Variants in C1orf198 observed in about 807,000 individuals in gnomAD.
C1orf198 encodes chromosome 1 open reading frame 198.
A neutral mutation model predicts 31.4 loss-of-function variants in C1orf198; 17 were observed. The observed-to-expected ratio is 0.54, with a 90% CI of 0.37 to 0.81. C1orf198 has a LOEUF of 0.81. C1orf198 is among the 40% of genes least tolerant of loss of function. The pLI is 0.00. For synonymous variants in C1orf198, 175 were observed against 193.8 expected (o/e 0.90, Z 0.81); for missense variants, 401 against 450.3 (o/e 0.89, Z 0.99).
chr1:230,851,454 C>T (rs766903956), intron 2 of C1orf198, among the ~76,000 whole-genome samples: 13 of 152,182 alleles, frequency 8.5e-5, no homozygotes, highest in South Asian at 2.1e-4. Context: ...CAGCCCAGAC[C>T]GCCTGGGGAA....
At chr1:230,859,360 C>G (rs1009913635) in intron 1 of C1orf198, among the ~76,000 whole-genome samples, 2 of 152,132 alleles carry the variant, frequency 1.3e-5, no homozygotes, top group African/African-American at 2.4e-5. Flanking sequence ...TTTCCCACCC[C>G]CCTCTCTGGC....
upstream of C1orf198, chr1:230,868,623 C>A: frequency 9.1e-6 from 8 of 880,578 alleles, no homozygotes; most frequent in Non-Finnish European, 9.8e-6. Flanking sequence ...CGCCCTGCAC[C>A]GCCGCGTACC....
intron 2 of C1orf198, among the ~76,000 whole-genome samples, chr1:230,852,967 C>T (rs1669783375): frequency 6.6e-6 from 1 of 152,192 alleles, no homozygotes; most frequent in South Asian, 2.1e-4. Flanking sequence ...TCCTCGTAGG[C>T]TTCCGTTCCC....
At chr1:230,864,542 T>C (rs1207603995) in intron 1 of C1orf198, among the ~76,000 whole-genome samples, 13 of 152,134 alleles carry the variant, frequency 8.5e-5, no homozygotes, top group Admixed American at 8.5e-4. Context: ...TGCCAAGCTG[T>C]TGAAGAGGGG....
chr1:230,847,423 G>A (rs1462661888), intron 2 of C1orf198, among the ~76,000 whole-genome samples: 1 of 152,164 alleles, frequency 6.6e-6, no homozygotes, highest in East Asian at 1.9e-4. Context: ...TGAGAAAATG[G>A]AGAATCGGAG....
chr1:230,852,867 T>C (rs1245712081), intron 2 of C1orf198, among the ~76,000 whole-genome samples: 1 of 152,190 alleles, frequency 6.6e-6, no homozygotes, highest in African/African-American at 2.4e-5. Context: ...TCCTCAAACA[T>C]TGAATCTGGC....
intron 2 of C1orf198, among the ~76,000 whole-genome samples, chr1:230,846,031 T>C (rs1350967145): frequency 2.0e-5 from 3 of 152,250 alleles, no homozygotes; most frequent in Non-Finnish European, 2.9e-5. Context: ...ACCGTTTTCT[T>C]ATTAACAGAC....
intron 1 of C1orf198, among the ~76,000 whole-genome samples, chr1:230,864,318 T>C (rs1670065195): frequency 6.6e-6 from 1 of 152,014 alleles, no homozygotes; most frequent in Non-Finnish European, 1.5e-5. Context: ...ACAGAGCGGG[T>C]GTAGCAGCTC....
rs111920878 is a variant in C1orf198 at position 230,863,213 on chromosome 1, T to C, written c.333+4967A>G. Among the ~76,000 whole-genome samples, 453 of 152,246 alleles carry C rather than the reference T, an allele frequency of 3.0e-3. 2 individuals carry two copies. The highest frequency in any genetic ancestry group is 0.01 in the African/African-American group (436 of 41,538). On this transcript the variant is annotated intron_variant, in intron 1 of 3. Transcript: ENST00000366663. ...CAGAAAAACAGTCCTGATTTAACCATGGGGCATGTTTTCCACCATGAATAC... is the reference window on the plus strand; with the variant it reads ...CAGAAAAACAGTCCTGATTTAACCACGGGGCATGTTTTCCACCATGAATAC...
intron 1 of C1orf198, among the ~76,000 whole-genome samples, chr1:230,866,197 G>A (rs148902059): frequency 1.6e-3 from 250 of 152,330 alleles, no homozygotes; most frequent in Middle Eastern, 6.8e-3. Flanking sequence ...TACCTCTGGC[G>A]CAGTCCAGGG....
intron 2 of C1orf198, among the ~76,000 whole-genome samples, chr1:230,845,925 T>G (rs944157116): frequency 2.0e-5 from 3 of 152,234 alleles, no homozygotes; most frequent in Non-Finnish European, 2.9e-5. Context: ...CTTTTTCACT[T>G]AATCATAAGC....
At position 230,837,215 on chromosome 1, in the gene C1orf198, T is replaced by C. The variant is rs1432501523; in HGVS notation, c.*2637A>G. ...AATTTATTACTTTTGAAAATGTTAATTAAAGAAAGGGAGACGCAAAGAAAG... is the reference window on the plus strand; with the variant it reads ...AATTTATTACTTTTGAAAATGTTAACTAAAGAAAGGGAGACGCAAAGAAAG... On this transcript the variant is annotated 3_prime_UTR_variant, in exon 4 of 4. Transcript: ENST00000366663. 6.6e-6 allele frequency: 1 copy of C among 152,648 alleles called. No individual in the cohort carries two copies. Among genetic ancestry groups the C allele is most frequent in the Admixed American group, 6.5e-5 (1 of 15,280 alleles). 9.5% of individuals were successfully genotyped at this position (152,648 alleles called of 1,614,324 possible).
intron 2 of C1orf198, among the ~76,000 whole-genome samples, chr1:230,848,904 A>G (rs1669660398): frequency 6.6e-6 from 1 of 152,146 alleles, no homozygotes; most frequent in African/African-American, 2.4e-5. Context: ...GGCCCAGGGG[A>G]GATCAAGCCC....
rs185614261 is a variant in C1orf198, at chr1:230,868,475, G to A, written c.38C>T (p.Ser13Leu). 968 of 1,513,548 alleles carry A rather than the reference G, an allele frequency of 6.4e-4. 8 individuals carry two copies. Among genetic ancestry groups the A allele is most frequent in the Non-Finnish European group, 3.8e-5 (43 of 1,124,320 alleles). 93.8% of individuals were successfully genotyped at this position (1,513,548 alleles called of 1,614,324 possible). A position where few individuals can be genotyped will look rare whatever the true frequency, so the allele number is the denominator to read the frequency against. The part of the protein sequence containing the change: ...SMAAAIAASR[S>L]AVMSGNRPLD... Reference sequence around the variant, plus strand: ...AGGCCGGTTCCCGCTCATGACCGCCGAGCGCGAAGCCGCGATCGCCGCCGC... The same window carrying A: ...AGGCCGGTTCCCGCTCATGACCGCCAAGCGCGAAGCCGCGATCGCCGCCGC... Residue 13 changes from serine to leucine, a missense_variant, in exon 1 of 4, where the codon TCG becomes TTG. By Grantham distance (145) the Ser-to-Leu change is moderately radical. Transcript: ENST00000366663.
In C1orf198 at chr1:230,843,452, C is replaced by A; in HGVS notation, c.829G>T (p.Glu277Ter). The A allele has an allele frequency of 6.2e-7, 1 of 1,604,792 alleles. No homozygotes were observed. The highest frequency in any genetic ancestry group is 8.5e-7 in the Non-Finnish European group (1 of 1,175,708). ...CCCTCGAGCTGGGAGGGGGCAGCCT[C>A]GTGCAGTGCACTGCTGAAGGCCTGG... ...PVQAFSSALHEAAPSQLEGKL... is the reference protein window; with the variant it reads ...PVQAFSSALH Residue 277 changes from glutamate (E) to a stop codon, truncating the protein, a stop_gained, in exon 3 of 4, where the codon GAG becomes TAG. Coordinates refer to ENST00000366663, the MANE Select transcript of C1orf198 (RefSeq NM_032800.3). LOFTEE classifies it high-confidence loss of function. The surrounding 1 kb of genome is among the most constrained non-coding windows in gnomAD (Gnocchi z 4.9).
At chr1:230,851,029 G>T (rs1175868428) in intron 2 of C1orf198, among the ~76,000 whole-genome samples, 1 of 151,932 alleles carries the variant, frequency 6.6e-6, no homozygotes, top group East Asian at 1.9e-4. Context: ...TCCCAAGGGT[G>T]AAAGAATTCA....
intron 1 of C1orf198, among the ~76,000 whole-genome samples, chr1:230,863,323 G>A (rs1670040505): frequency 1.3e-5 from 2 of 152,196 alleles, no homozygotes; most frequent in Non-Finnish European, 2.9e-5. Flanking sequence ...TACAGAGTAG[G>A]TGGAGGAAAT....
chr1:230,852,398 G>A (rs1479271091), intron 2 of C1orf198, among the ~76,000 whole-genome samples: 2 of 152,184 alleles, frequency 1.3e-5, no homozygotes, highest in East Asian at 1.9e-4. Context: ...ATGGGCTAGT[G>A]AGAGTGGGGG....
At chr1:230,851,869 C>T (rs952154296) in intron 2 of C1orf198, among the ~76,000 whole-genome samples, 20 of 152,210 alleles carry the variant, frequency 1.3e-4, no homozygotes, top group African/African-American at 4.6e-4. Context: ...CAAGCACAAC[C>T]GCAGCTCATT....
Sources: gnomAD v4.1 joint callset for allele counts (sites outside exome capture counted in the v4.1 genomes callset) on GRCh38, gnomAD v4.1.1 for gene constraint, Gnocchi (gnomAD v3.1) non-coding constraint, MANE v1.5 for transcripts, NCBI Gene and HGNC (gene_info 2026-07-23, HGNC 2026-07-21) for gene names.